G3BP2: variants seen among roughly 807,000 people sequenced by gnomAD.
G3BP2 encodes the protein G3BP stress granule assembly factor 2.
Under a neutral mutation model 56.7 loss-of-function variants are expected in G3BP2, and 11 were observed. The ratio of observed to expected loss-of-function variants is 0.19; its 90% CI spans 0.12 to 0.32. The LOEUF (loss-of-function observed/expected upper bound fraction) is 0.32. G3BP2 is among the 10% of genes least tolerant of loss of function. The pLI is 1.00. For missense variants in G3BP2, 340 were observed against 610.9 expected (o/e 0.56, Z 4.67); for synonymous variants, 165 against 191.6 (o/e 0.86, Z 1.15).
At chr4:75,674,718 A>ATATATATATATTTTT (rs1241041465), upstream of G3BP2, among the ~76,000 whole-genome samples, 3 of 71,422 alleles carry the variant, frequency 4.2e-5, no homozygotes, top group African/African-American at 1.8e-4. Context: ...ATATATATAT[A>ATATATATATATTTTT]TTTTTTTTTT....
intron 3 of G3BP2, among the ~76,000 whole-genome samples, chr4:75,684,793 CTT>C (rs905580307): frequency 4.8e-5 from 7 of 144,676 alleles, no homozygotes; most frequent in African/African-American, 7.5e-5. Context: ...ATGTATGTCT[CTT>C]TTTTTTTTTG....
At chr4:75,719,183 C>T (rs962624896) in intron 3 of G3BP2, among the ~76,000 whole-genome samples, 1 of 151,354 alleles carries the variant, frequency 6.6e-6, no homozygotes, top group African/African-American at 2.4e-5. Flanking sequence ...CCCGTCTCTA[C>T]TAAAAATACA....
At chr4:75,711,090 CG>C (rs1553893947) in intron 3 of G3BP2, among the ~76,000 whole-genome samples, 3 of 151,290 alleles carry the variant, frequency 2.0e-5, no homozygotes, top group Non-Finnish European at 4.4e-5. Flanking sequence ...GAGGCCAAGA[CG>C]GACAGATCAC....
intron 3 of G3BP2, among the ~76,000 whole-genome samples, chr4:75,684,418 A>G (rs1718487256): frequency 6.6e-6 from 1 of 151,884 alleles, no homozygotes; most frequent in Non-Finnish European, 1.5e-5. Flanking sequence ...ATAAATAAAT[A>G]AATAAAAATA....
At chr4:75,701,216 T>C (rs1346726469) in intron 3 of G3BP2, among the ~76,000 whole-genome samples, 2 of 152,246 alleles carry the variant, frequency 1.3e-5, no homozygotes, top group African/African-American at 4.8e-5. Context: ...AAAAGGAATC[T>C]TGTTGACTTG....
In G3BP2 at chr4:75,664,562, G is replaced by C. The variant is rs144321360; in HGVS notation, c.-24-2513C>G. ...CTGCACTGCAGCCTGGGCAACAACA[G>C]AGTGAGGCTCCATCTCAATAAATAA... On this transcript the variant is annotated intron_variant, in intron 1 of 11. Transcript: ENST00000359707. 3.8e-3 allele frequency among the ~76,000 whole-genome samples: 574 copies of C among 151,676 alleles called. 7 individuals carry two copies. Among genetic ancestry groups the C allele is most frequent in the African/African-American group, 0.013 (551 of 41,302 alleles).
At chr4:75,681,968 T>TG (rs1734092494) in intron 3 of G3BP2, among the ~76,000 whole-genome samples, 1 of 152,162 alleles carries the variant, frequency 6.6e-6, no homozygotes, top group East Asian at 1.9e-4. Context: ...CTGGGATAGT[T>TG]GATCTGATAA....
chr4:75,666,672 G>A (rs996111912), intron 1 of G3BP2, among the ~76,000 whole-genome samples: 2 of 152,184 alleles, frequency 1.3e-5, no homozygotes, highest in African/African-American at 4.8e-5. Context: ...AATTCATGCA[G>A]TGTACGTAAG....
chr4:75,658,771 A>G, intron 3 of G3BP2, 72 bp downstream of exon 3: 1 of 913,230 alleles, frequency 1.1e-6, no homozygotes. Context: ...AGCCATGGAC[A>G]CAAGAAGGCT....
intron 3 of G3BP2, among the ~76,000 whole-genome samples, chr4:75,700,149 G>A (rs1002137328): frequency 6.6e-6 from 1 of 152,054 alleles, no homozygotes; most frequent in African/African-American, 2.4e-5. Context: ...TGACTCCCTG[G>A]TTCAAGCTTT....
intron 1 of G3BP2, among the ~76,000 whole-genome samples, chr4:75,672,316 G>A (rs1342196513): frequency 1.3e-5 from 2 of 152,186 alleles, no homozygotes; most frequent in Non-Finnish European, 2.9e-5. Context: ...GCCATCTTAA[G>A]AAATCTGCTT....
At chr4:75,714,933 C>T (rs144437564) in intron 3 of G3BP2, among the ~76,000 whole-genome samples, 2 of 152,266 alleles carry the variant, frequency 1.3e-5, no homozygotes, top group East Asian at 3.9e-4. Flanking sequence ...CCTGCACTGC[C>T]TACCTCCTAA....
chr4:75,706,909 G>C (rs1719566670), intron 3 of G3BP2, among the ~76,000 whole-genome samples: 1 of 152,038 alleles, frequency 6.6e-6, no homozygotes, highest in African/African-American at 2.4e-5. Flanking sequence ...AGGGAAAAGA[G>C]TGGCCAGGCT....
chr4:75,646,203 T>C (rs999530814), intron 11 of G3BP2, 135 bp downstream of exon 11: 1 of 585,456 alleles, frequency 1.7e-6, no homozygotes, highest in Non-Finnish European at 3.1e-6. Context: ...CAAATCTTTA[T>C]TCTTTGCATA....
At chr4:75,660,324 C>T (rs1732445888) in intron 2 of G3BP2, among the ~76,000 whole-genome samples, 1 of 152,120 alleles carries the variant, frequency 6.6e-6, no homozygotes, top group Admixed American at 6.5e-5. Context: ...TAGAGAATGA[C>T]ATGCAGTTAT....
At chr4:75,685,448 C>T (rs1312201592) in intron 3 of G3BP2, among the ~76,000 whole-genome samples, 2 of 150,608 alleles carry the variant, frequency 1.3e-5, no homozygotes, top group Non-Finnish European at 3.0e-5. Flanking sequence ...TTGCAGTGAG[C>T]CGAGATCGCG....
At chr4:75,718,978 A>C (rs544918879) in intron 3 of G3BP2, among the ~76,000 whole-genome samples, 29 of 152,346 alleles carry the variant, frequency 1.9e-4, no homozygotes, top group African/African-American at 5.8e-4. Flanking sequence ...GCCTCATCTG[A>C]AGTAACAGAC....
intron 1 of G3BP2, among the ~76,000 whole-genome samples, chr4:75,722,984 T>A (rs1316342578): frequency 6.6e-6 from 1 of 152,190 alleles, no homozygotes; most frequent in Non-Finnish European, 1.5e-5. Context: ...CCCTTAACAG[T>A]TTGGTTTAGC....
intron 3 of G3BP2, among the ~76,000 whole-genome samples, chr4:75,714,260 A>T (rs1477598440): frequency 6.6e-6 from 1 of 152,218 alleles, no homozygotes; most frequent in Non-Finnish European, 1.5e-5. Flanking sequence ...ACACTGAAGT[A>T]TTTAGGTGGT....
Sources: allele counts gnomAD v4.1 joint callset (sites outside exome capture counted in the v4.1 genomes callset), GRCh38; gene constraint gnomAD v4.1.1; transcripts MANE v1.5; gene names NCBI Gene and HGNC (gene_info 2026-07-23, HGNC 2026-07-21).